MAP2K5: variants seen among roughly 807,000 people sequenced by gnomAD.
MAP2K5 encodes the protein dual specificity mitogen-activated protein kinase kinase 5.
MAP2K5 carries 49 observed loss-of-function variants against 83.1 expected under a neutral mutation model. That is an observed-to-expected ratio of 0.59 (90% confidence interval 0.47 to 0.75). The LOEUF is 0.75. Ranked by LOEUF, MAP2K5 falls within the 30% of genes least tolerant of loss-of-function variation. The pLI is 0.00. For synonymous variants in MAP2K5, 202 were observed against 191.8 expected, an observed-to-expected ratio of 1.05 and a Z score of -0.44; for missense variants, 457 against 557.5, an observed-to-expected ratio of 0.82 and a Z score of 1.82.
At chr15:67,631,372 A>G (rs1338178536) in intron 9 of MAP2K5, among the ~76,000 whole-genome samples, 2 of 152,032 alleles carry the variant, frequency 1.3e-5, no homozygotes, top group South Asian at 2.1e-4. Context: ...TCGGGCTCAC[A>G]TTACCTCCTA....
At chr15:67,617,195 G>A (rs2086074349) in intron 8 of MAP2K5, among the ~76,000 whole-genome samples, 1 of 152,140 alleles carries the variant, frequency 6.6e-6, no homozygotes, top group African/African-American at 2.4e-5. Flanking sequence ...GATATTGTCA[G>A]TTATGCTGAA....
chr15:67,759,551 C>G (rs2089909080), intron 19 of MAP2K5, among the ~76,000 whole-genome samples: 1 of 118,000 alleles, frequency 8.5e-6, no homozygotes, highest in East Asian at 2.4e-4. Context: ...CAGAGCGAGA[C>G]TGTGTCTCAA....
At chr15:67,613,211 T>G (rs2085971820) in intron 8 of MAP2K5, among the ~76,000 whole-genome samples, 1 of 152,234 alleles carries the variant, frequency 6.6e-6, no homozygotes, top group South Asian at 2.1e-4. Flanking sequence ...CAAAGCCATC[T>G]TCCAGAAGAG....
At chr15:67,604,952 A>G (rs576094660) in intron 8 of MAP2K5, among the ~76,000 whole-genome samples, 2 of 152,270 alleles carry the variant, frequency 1.3e-5, no homozygotes, top group South Asian at 2.1e-4. Context: ...GCTTAGCGCT[A>G]TGACTGACAC....
In MAP2K5 at chr15:67,747,481, T is replaced by C. The variant is rs1459340420; in HGVS notation, c.1075-750T>C. Among the ~76,000 whole-genome samples, 1 of 152,218 alleles carries C rather than the reference T, an allele frequency of 6.6e-6. No individual in the cohort carries two copies. The highest frequency in any genetic ancestry group is 1.5e-5 in the Non-Finnish European group (1 of 68,034). The stretch of plus-strand genomic sequence containing the variant: ...TAGTACTTTAATGACTAAGTGGATG[T>C]TTTATTAATTTTTATGTCACGTTTT... On this transcript the variant is annotated intron_variant, in intron 17 of 21. Transcript: ENST00000178640. The surrounding 1 kb of genome is among the most constrained non-coding windows in gnomAD (Gnocchi z 4.1).
At chr15:67,715,870 A>G (rs777832737) in intron 16 of MAP2K5, among the ~76,000 whole-genome samples, 28 of 152,208 alleles carry the variant, frequency 1.8e-4, no homozygotes, top group Admixed American at 1.4e-3. Flanking sequence ...AGAACTCTAC[A>G]CTTTCCTCCT....
rs111994243 is a variant in MAP2K5, at chr15:67,715,234, GGA to G, written c.1044+11828_1044+11829del. ...TTTCCACTGTCTTTTTTTTGGGCGG[GGA>G]GGGGGGGGGTCTAAAATTGTGTGTA... On this transcript the variant is annotated intron_variant, in intron 16 of 21. Transcript: ENST00000178640. Among the ~76,000 whole-genome samples, 1,181 of 147,294 alleles carry G rather than the reference GGA, an allele frequency of 8.0e-3. 21 individuals carry two copies. The highest frequency in any genetic ancestry group is 0.028 in the African/African-American group (1,133 of 40,226).
chr15:67,763,101 T>C (rs947919383), intron 19 of MAP2K5, among the ~76,000 whole-genome samples: 10 of 152,198 alleles, frequency 6.6e-5, no homozygotes, highest in African/African-American at 2.4e-4. Context: ...GGCTTTCTGT[T>C]CTGCAGCTGA....
At chr15:67,704,653 A>G (rs2088506605) in intron 16 of MAP2K5, among the ~76,000 whole-genome samples, 1 of 152,214 alleles carries the variant, frequency 6.6e-6, no homozygotes, top group South Asian at 2.1e-4. Context: ...GAGGAAATAC[A>G]ATATGTATGC....
rs2089669534 is a variant in MAP2K5, at chr15:67,749,233, A to G, written c.1134+632A>G. On this transcript the variant is annotated intron_variant, in intron 19 of 21. Transcript: ENST00000178640. This position sits in a 1 kb window ranked among gnomAD's most constrained non-coding sequence, Gnocchi z 4.6. ...TCCTTTGCCTTCATGGTGCTAATCT[A>G]CCTGCCTTTCTCTCTCAATCGACTT... is the stretch of plus-strand genomic sequence containing the variant. Among the ~76,000 whole-genome samples, 1 of 152,074 alleles carries G rather than the reference A, an allele frequency of 6.6e-6. No individual in the cohort carries two copies. The highest frequency in any genetic ancestry group is 6.6e-5 in the Admixed American group (1 of 15,266).
Position 67,592,118 on chromosome 15 carries a change from C to CAAAAAAAA in MAP2K5, c.432-798_432-791dup, listed in dbSNP as rs71142384. 5.8e-4 allele frequency among the ~76,000 whole-genome samples: 68 copies of CAAAAAAAA among 117,930 alleles called. 28 individuals carry two copies. Among genetic ancestry groups the CAAAAAAAA allele is most frequent in the Admixed American group, 4.7e-4 (5 of 10,740 alleles). 77.4% of individuals were successfully genotyped at this position (117,930 alleles called of 152,430 possible). Reference sequence around the variant, plus strand: ...GGGCAACAAGAGTGAAACTATGTCTCAAAAAAAAAAAAAAAAAGGACTTTC... The same window carrying CAAAAAAAA: ...GGGCAACAAGAGTGAAACTATGTCTCAAAAAAAAAAAAAAAAAAAAAAAAAGGACTTTC... On this transcript the variant is annotated intron_variant, in intron 6 of 21. Coordinates refer to ENST00000178640, the MANE Select transcript of MAP2K5 (RefSeq NM_145160.3).
At chr15:67,756,617 T>G (rs2089843394) in intron 19 of MAP2K5, among the ~76,000 whole-genome samples, 1 of 150,844 alleles carries the variant, frequency 6.6e-6, no homozygotes, top group Admixed American at 6.6e-5. Flanking sequence ...AATACAGGAT[T>G]ATTAATTATA....
At position 67,550,098 on chromosome 15, in the gene MAP2K5, A is replaced by G. The variant is rs778867831; in HGVS notation, c.184+16A>G. On this transcript the variant is annotated intron_variant, in intron 2 of 21. Transcript: ENST00000178640. Reference sequence around the variant, plus strand: ...GCATTTGAATGTAAGTCTGGCTTGTATACTTTCTTGACTATTCCTTTCTGC... The same window carrying G: ...GCATTTGAATGTAAGTCTGGCTTGTGTACTTTCTTGACTATTCCTTTCTGC... 2 of 1,611,610 alleles carry G rather than the reference A, an allele frequency of 1.2e-6. No homozygotes were observed. Among genetic ancestry groups the G allele is most frequent in the Non-Finnish European group, 1.7e-6 (2 of 1,177,898 alleles).
In MAP2K5 at chr15:67,563,164, C is replaced by T; in HGVS notation, c.185-119C>T. 2 of 1,063,150 alleles carry T rather than the reference C, an allele frequency of 1.9e-6. No individual in the cohort carries two copies. The highest frequency in any genetic ancestry group is 2.6e-6 in the Non-Finnish European group (2 of 779,488). The allele number at this position is 1,063,150 out of a possible 1,614,324, so 65.9% of individuals were successfully genotyped here. On this transcript the variant is annotated intron_variant, in intron 2 of 21. Coordinates refer to ENST00000178640, the MANE Select transcript of MAP2K5 (RefSeq NM_145160.3). The surrounding 1 kb of genome is among the most constrained non-coding windows in gnomAD (Gnocchi z 4.5). ...CAACAAACTAATAATGTCAACATAC[C>T]CCCAAAATGTGGTGTTGAGGGTTAG...
chr15:67,664,698 TC>T, intron 13 of MAP2K5, 53 bp downstream of exon 13: 1 of 1,145,742 alleles, frequency 8.7e-7, no homozygotes. Context: ...GTTGGGTCTC[TC>T]CAGATACCTT....
chr15:67,778,683 G>A lies in MAP2K5; in HGVS notation c.1242+5931G>A, dbSNP rs114856498. Among the ~76,000 whole-genome samples, 112 of 152,186 alleles carry A rather than the reference G, an allele frequency of 7.4e-4. No homozygotes were observed. Among genetic ancestry groups the A allele is most frequent in the African/African-American group, 2.6e-3 (107 of 41,516 alleles). ...CTTTGCGGTTAGCAGAAGGGTAGGG[G>A]GATTTCTTACCTGTTACTGTTTACT... On this transcript the variant is annotated intron_variant, in intron 21 of 21. Coordinates refer to ENST00000178640, the MANE Select transcript of MAP2K5 (RefSeq NM_145160.3). This position sits in a 1 kb window ranked among gnomAD's most constrained non-coding sequence, Gnocchi z 5.0.
At chr15:67,547,448 CTTTTTTCT>C (rs1232420302) in intron 1 of MAP2K5, among the ~76,000 whole-genome samples, 1 of 134,714 alleles carries the variant, frequency 7.4e-6, no homozygotes, top group Non-Finnish European at 1.6e-5. Flanking sequence ...CTTCGGTTTT[CTTTTTTCT>C]TTTTTTTTTT....
At chr15:67,729,637 G>A (rs572071412) in intron 17 of MAP2K5, among the ~76,000 whole-genome samples, 7 of 152,032 alleles carry the variant, frequency 4.6e-5, no homozygotes, top group Admixed American at 2.0e-4. Context: ...TTAGCCGGGC[G>A]TGGTGGCGGG....
chr15:67,782,726 C>T lies in MAP2K5; in HGVS notation c.1242+9974C>T, dbSNP rs1279902310. Among the ~76,000 whole-genome samples, 3 of 152,196 alleles carry T rather than the reference C, an allele frequency of 2.0e-5. No homozygotes were observed. Among genetic ancestry groups the T allele is most frequent in the Admixed American group, 2.0e-4 (3 of 15,278 alleles). ...TTTTTTTTAAGCCACAGCTTTGCCT[C>T]TGGAATACTCTCGCTCTAACTCTGG... On this transcript the variant is annotated intron_variant, in intron 21 of 21. Coordinates refer to ENST00000178640, the MANE Select transcript of MAP2K5 (RefSeq NM_145160.3). This position sits in a 1 kb window ranked among gnomAD's most constrained non-coding sequence, Gnocchi z 4.9.
Sources: gnomAD v4.1 joint callset for allele counts (sites outside exome capture counted in the v4.1 genomes callset) on GRCh38, gnomAD v4.1.1 for gene constraint, Gnocchi (gnomAD v3.1) non-coding constraint, MANE v1.5 for transcripts, NCBI Gene and HGNC (gene_info 2026-07-23, HGNC 2026-07-21) for gene names.